SLCO5A1: variants seen among roughly 807,000 people sequenced by gnomAD.
The protein encoded by SLCO5A1 is organic anion transporter polypeptide-related protein 4.
Under a neutral mutation model 65.1 loss-of-function variants are expected in SLCO5A1, and 39 were observed. The observed-to-expected ratio is 0.60, with a 90% CI of 0.46 to 0.78. SLCO5A1 has a LOEUF of 0.78. Among genes scored for constraint, SLCO5A1 ranks in the 30% least tolerant of loss-of-function variants. The pLI is 0.00. For synonymous variants in SLCO5A1, 438 were observed against 415.7 expected (o/e 1.05, Z -0.65); for missense variants, 1,029 against 1,069.4 (o/e 0.96, Z 0.53).
At chr8:69,770,097 G>A (rs923476183) in intron 2 of SLCO5A1, among the ~76,000 whole-genome samples, 1 of 151,988 alleles carries the variant, frequency 6.6e-6, no homozygotes, top group Admixed American at 6.6e-5. Flanking sequence ...TTTTCATGTA[G>A]CTATCTCCAG....
chr8:69,675,689 G>A (rs551124075), intron 9 of SLCO5A1, among the ~76,000 whole-genome samples: 67 of 152,172 alleles, frequency 4.4e-4, no homozygotes, highest in Non-Finnish European at 5.4e-4. Context: ...GAGAATGCCA[G>A]GGGATTCATG....
At chr8:69,811,141 G>A (rs1033326018) in intron 2 of SLCO5A1, among the ~76,000 whole-genome samples, 3 of 152,176 alleles carry the variant, frequency 2.0e-5, no homozygotes, top group Admixed American at 6.5e-5. Flanking sequence ...GGGCTCTGGA[G>A]TTACTCCCAT....
chr8:69,805,774 C>G (rs1442135431), intron 2 of SLCO5A1, among the ~76,000 whole-genome samples: 2 of 152,144 alleles, frequency 1.3e-5, no homozygotes, highest in East Asian at 3.8e-4. Flanking sequence ...AATACACCTG[C>G]TGGGAAAAAG....
intron 2 of SLCO5A1, among the ~76,000 whole-genome samples, chr8:69,764,135 T>C (rs1229518548): frequency 6.6e-6 from 1 of 152,216 alleles, no homozygotes; most frequent in Non-Finnish European, 1.5e-5. Context: ...AGTGCTGAGA[T>C]TACAGACGTG....
intron 5 of SLCO5A1, among the ~76,000 whole-genome samples, chr8:69,711,728 T>C (rs1026335781): frequency 7.2e-5 from 11 of 152,202 alleles, no homozygotes; most frequent in African/African-American, 2.4e-4. Flanking sequence ...AGGCCTCGGA[T>C]TTTCTCCTCT....
intron 6 of SLCO5A1, among the ~76,000 whole-genome samples, chr8:69,684,552 A>G (rs981785368): frequency 6.6e-6 from 1 of 152,092 alleles, no homozygotes; most frequent in African/African-American, 2.4e-5. Context: ...AATGGCCCAA[A>G]AGTTACCTTA....
intron 2 of SLCO5A1, among the ~76,000 whole-genome samples, chr8:69,778,228 G>GAT (rs1818645015): frequency 7.0e-6 from 1 of 142,942 alleles, no homozygotes. Flanking sequence ...ATATGTATGG[G>GAT]GTGTGTGTGT....
intron 2 of SLCO5A1, among the ~76,000 whole-genome samples, chr8:69,766,529 A>ATG (rs1468129301): frequency 1.3e-5 from 2 of 151,796 alleles, no homozygotes; most frequent in Non-Finnish European, 2.9e-5. Flanking sequence ...GTGTGTATGC[A>ATG]TGTGTGTGTG....
At chr8:69,754,165 G>C (rs1235488230) in intron 4 of SLCO5A1, among the ~76,000 whole-genome samples, 2 of 152,064 alleles carry the variant, frequency 1.3e-5, no homozygotes, top group Non-Finnish European at 2.9e-5. Flanking sequence ...GGTGCACATG[G>C]GAAGAGATCA....
At chr8:69,794,343 C>T (rs1322671903) in intron 2 of SLCO5A1, 3 of 438,214 alleles carry the variant, frequency 6.8e-6, no homozygotes, top group Middle Eastern at 3.6e-4. Context: ...ACTGAGTAGA[C>T]AGTTCATCAT....
intron 5 of SLCO5A1, among the ~76,000 whole-genome samples, chr8:69,735,427 C>T (rs1816511573): frequency 6.6e-6 from 1 of 152,132 alleles, no homozygotes. Context: ...CTCAAATGCC[C>T]ATCAATGATA....
rs1330534561 is a variant in SLCO5A1 at position 69,707,075 on chromosome 8, C to T, written c.1424-1846G>A. 3.3e-5 allele frequency among the ~76,000 whole-genome samples: 5 copies of T among 151,960 alleles called. No homozygotes were observed. In the East Asian group the frequency reaches 5.8e-4, roughly 18 times the overall value. On this transcript the variant is annotated intron_variant, in intron 5 of 9. Transcript: ENST00000260126. ...AGACAGGAGAATCGCTTGATTGAAC[C>T]CTAGAGGCAGAGGTTGCAGTAAGCC...
At chr8:69,829,950 CA>C (rs1461648768) in intron 2 of SLCO5A1, among the ~76,000 whole-genome samples, 10 of 152,134 alleles carry the variant, frequency 6.6e-5, no homozygotes, top group Admixed American at 6.5e-4. Flanking sequence ...AATAAACAAT[CA>C]TTGGGTCTGT....
rs1813272010 is a variant in SLCO5A1, at chr8:69,669,557, G to A, written c.*3312C>T. 6.6e-6 allele frequency: 1 copy of A among 152,158 alleles called. No individual in the cohort carries two copies. Among genetic ancestry groups the A allele is most frequent in the South Asian group, 2.1e-4 (1 of 4,826 alleles). The allele number at this position is 152,158 out of a possible 1,614,324, so 9.4% of individuals were successfully genotyped here. On this transcript the variant is annotated 3_prime_UTR_variant, in exon 10 of 10. Transcript: ENST00000260126. ...CAGCCGGGCATGGTGGCTCATGCCT[G>A]TAATCCCAGCACTTTGAGAGGCCAA...
Position 69,682,278 on chromosome 8 carries a change from A to G in SLCO5A1, c.1688T>C (p.Ile563Thr). 1 of 1,612,528 alleles carries G rather than the reference A, an allele frequency of 6.2e-7. No homozygotes were observed. Among genetic ancestry groups the G allele is most frequent in the Non-Finnish European group, 8.5e-7 (1 of 1,179,368 alleles). The change falls in exon 7 of 10, where the codon ATA becomes ACA. Residue 563 changes from isoleucine to threonine, a missense_variant. Ile to Thr is a moderately conservative substitution (Grantham distance 89). Coordinates refer to ENST00000260126, the MANE Select transcript of SLCO5A1 (RefSeq NM_030958.3). ...GSCNVNCGCK[I>T]HEYEPVCGSD... ...TCCACAGACTGGCTCATACTCGTGT[A>G]TTTTACAACCACAATTAACGTTGCA... is the stretch of plus-strand genomic sequence containing the variant.
rs1056042334 is a variant in SLCO5A1 at position 69,688,627 on chromosome 8, G to T, written c.1623-6284C>A. 1.6e-4 allele frequency among the ~76,000 whole-genome samples: 24 copies of T among 151,924 alleles called. 1 individual carries two copies. The highest frequency in any genetic ancestry group is 1.5e-3 in the Admixed American group (23 of 15,266). On this transcript the variant is annotated intron_variant, in intron 6 of 9. Coordinates refer to ENST00000260126, the MANE Select transcript of SLCO5A1 (RefSeq NM_030958.3). ...CTTGCGATAGTTTACTGAGAATGATGATTTCCAATTTCATCCATGTCCCTA... is the reference window on the plus strand; with the variant it reads ...CTTGCGATAGTTTACTGAGAATGATTATTTCCAATTTCATCCATGTCCCTA...
chr8:69,710,989 G>A (rs563718577), intron 5 of SLCO5A1, among the ~76,000 whole-genome samples: 2 of 145,530 alleles, frequency 1.4e-5, no homozygotes, highest in African/African-American at 5.2e-5. Flanking sequence ...GGATGGGGTC[G>A]GACAGTTCAG....
intron 4 of SLCO5A1, 75 bp from the exon 5 acceptor site, chr8:69,738,279 G>T: frequency 7.2e-7 from 1 of 1,380,768 alleles, no homozygotes; most frequent in Non-Finnish European, 9.7e-7. Context: ...AATTGTTTTT[G>T]AAATGAACTG....
chr8:69,729,360 C>T (rs1196039822), intron 5 of SLCO5A1, among the ~76,000 whole-genome samples: 1 of 145,862 alleles, frequency 6.9e-6, no homozygotes, highest in Non-Finnish European at 1.5e-5. Context: ...AGGAGAATGG[C>T]ATCAACCCGG....
Sources: gnomAD v4.1 joint callset for allele counts (sites outside exome capture counted in the v4.1 genomes callset) on GRCh38, gnomAD v4.1.1 for gene constraint, MANE v1.5 for transcripts, NCBI Gene and HGNC (gene_info 2026-07-23, HGNC 2026-07-21) for gene names.